ENDOV: variants seen among roughly 807,000 people sequenced by gnomAD.
The protein encoded by ENDOV is hEndoV.
ENDOV carries 37 observed loss-of-function variants against 39.4 expected under a neutral mutation model. That is an observed-to-expected ratio of 0.94 (90% CI 0.72 to 1.23). The LOEUF (loss-of-function observed/expected upper bound fraction) is 1.23. Among genes scored for constraint, ENDOV ranks in the 50% most tolerant of loss-of-function variants. The pLI is 0.00. For synonymous variants in ENDOV, 186 were observed against 163.4 expected (o/e 1.14, Z -1.05); for missense variants, 441 against 375.7 (o/e 1.17, Z -1.44).
At chr17:80,419,027 G>A (rs569815298) in intron 2 of ENDOV, among the ~76,000 whole-genome samples, 1 of 151,968 alleles carries the variant, frequency 6.6e-6, no homozygotes, top group Non-Finnish European at 1.5e-5. Flanking sequence ...AAAAAAATCA[G>A]CCGGGCATGG....
intron 9 of ENDOV, among the ~76,000 whole-genome samples, chr17:80,430,711 G>T (rs941101520): frequency 2.0e-5 from 3 of 152,226 alleles, no homozygotes; most frequent in African/African-American, 7.2e-5. Flanking sequence ...GTGCCTGAGG[G>T]GTTGGGTGCC....
chr17:80,423,469 G>A (rs1427685383), intron 4 of ENDOV, 51 bp from the exon 5 acceptor site: 6 of 1,493,844 alleles, frequency 4.0e-6, no homozygotes, highest in Non-Finnish European at 5.4e-6. Flanking sequence ...GAATCCCTGT[G>A]CCAGGCCCCA....
In ENDOV at chr17:80,436,513, G is replaced by T; in HGVS notation, c.*370G>T. 2.1e-6 allele frequency: 1 copy of T among 484,334 alleles called. No individual in the cohort carries two copies. The highest frequency in any genetic ancestry group is 3.3e-6 in the Non-Finnish European group (1 of 302,884). The allele number at this position is 484,334 out of a possible 1,614,324, so 30.0% of individuals were successfully genotyped here. A position where few individuals can be genotyped will look rare whatever the true frequency, so the allele number is the denominator to read the frequency against. Reference sequence around the variant, plus strand: ...ACTGGATTTTGTCAAATGCTTTTCTGGCCTCTATTGAAAAGATCCTGTGTT... The same window carrying T: ...ACTGGATTTTGTCAAATGCTTTTCTTGCCTCTATTGAAAAGATCCTGTGTT... On this transcript the variant is annotated 3_prime_UTR_variant, in exon 10 of 10. Coordinates refer to ENST00000518137, the MANE Select transcript of ENDOV (RefSeq NM_173627.5).
chr17:80,415,434 G>A, intron 1 of ENDOV, 184 bp downstream of exon 1: 2 of 977,116 alleles, frequency 2.0e-6, no homozygotes, highest in Non-Finnish European at 1.5e-6. Flanking sequence ...CGGGGTGGGC[G>A]CGGTTCTCGC....
At chr17:80,436,037 G>C (rs569806485) in intron 9 of ENDOV, 96 bp from the exon 10 acceptor site, 2 of 1,388,734 alleles carry the variant, frequency 1.4e-6, no homozygotes, top group Non-Finnish European at 1.0e-6. Context: ...TTACAGGCGC[G>C]AGCCACTGCA....
At chr17:80,430,492 C>G in intron 9 of ENDOV, 1 of 793,230 alleles carries the variant, frequency 1.3e-6, no homozygotes, top group African/African-American at 1.8e-5. Context: ...CACCTCTGCC[C>G]TGACACGGGA....
intron 2 of ENDOV, chr17:80,419,391 C>A (rs925873645): frequency 1.2e-5 from 7 of 565,130 alleles, no homozygotes; most frequent in Non-Finnish European, 2.2e-5. Flanking sequence ...GTGCCAGATG[C>A]TGAGCCATGG....
chr17:80,420,664 C>T (rs1306433284), intron 2 of ENDOV: 2 of 152,192 alleles, frequency 1.3e-5, no homozygotes, highest in African/African-American at 4.8e-5. Context: ...AGAATGTGGA[C>T]ATAGTGGGAA....
chr17:80,425,675 C>T (rs954639734), intron 7 of ENDOV, 55 bp downstream of exon 7: 14 of 1,536,404 alleles, frequency 9.1e-6, no homozygotes, highest in African/African-American at 1.4e-5. Flanking sequence ...TTCCTGCCAC[C>T]TGCTGTTCAG....
At chr17:80,422,876 A>G (rs1229328923) in intron 4 of ENDOV, among the ~76,000 whole-genome samples, 1 of 151,914 alleles carries the variant, frequency 6.6e-6, no homozygotes, top group African/African-American at 2.4e-5. Flanking sequence ...ATTTTTTTGT[A>G]TTTTTAGGAG....
chr17:80,435,058 A>G (rs533310935), intron 9 of ENDOV, among the ~76,000 whole-genome samples: 2 of 152,332 alleles, frequency 1.3e-5, no homozygotes, highest in South Asian at 2.1e-4. Flanking sequence ...CAAAGCATCT[A>G]TTCAAATCCT....
At chr17:80,425,166 A>G in intron 6 of ENDOV, 66 bp downstream of exon 6, 1 of 1,387,700 alleles carries the variant, frequency 7.2e-7, no homozygotes, top group Non-Finnish European at 1.0e-6. Flanking sequence ...AGGCAGACAC[A>G]GGTGCATGCA....
chr17:80,425,139 G>C (rs1410853377), intron 6 of ENDOV, 39 bp downstream of exon 6: 1 of 1,558,594 alleles, frequency 6.4e-7, no homozygotes, highest in African/African-American at 1.4e-5. Context: ...AAAGCCCCGG[G>C]GTAGGGGATC....
intron 9 of ENDOV, among the ~76,000 whole-genome samples, chr17:80,432,379 C>T (rs1599471388): frequency 6.6e-6 from 1 of 152,086 alleles, no homozygotes; most frequent in African/African-American, 2.4e-5. Context: ...CCTCCCAGCA[C>T]CCCTGTGGAG....
intron 9 of ENDOV, among the ~76,000 whole-genome samples, chr17:80,432,147 G>C (rs2083368341): frequency 6.6e-6 from 1 of 152,176 alleles, no homozygotes; most frequent in African/African-American, 2.4e-5. Context: ...TGTCCACCTG[G>C]AACCTGTTTC....
At chr17:80,432,045 G>A (rs2083361947) in intron 9 of ENDOV, among the ~76,000 whole-genome samples, 1 of 152,086 alleles carries the variant, frequency 6.6e-6, no homozygotes, top group African/African-American at 2.4e-5. Context: ...CATGTGGGGT[G>A]CAGACCGGTC....
At chr17:80,419,862 G>A in intron 2 of ENDOV, 1 of 591,152 alleles carries the variant, frequency 1.7e-6, no homozygotes. Flanking sequence ...CGGTGTAGCT[G>A]GAAACACTGG....
intron 5 of ENDOV, 154 bp downstream of exon 5, chr17:80,423,786 C>T: frequency 1.4e-6 from 1 of 718,058 alleles, no homozygotes; most frequent in South Asian, 1.9e-5. Context: ...ACCTGCTTTC[C>T]TCTGGGTGCT....
At chr17:80,435,986 C>A in intron 9 of ENDOV, 147 bp from the exon 10 acceptor site, 6 of 860,346 alleles carry the variant, frequency 7.0e-6, no homozygotes, top group South Asian at 1.5e-5. Flanking sequence ...AACTCCTGGG[C>A]TCAAGCTTTC....
Sources: gnomAD v4.1 joint callset for allele counts (sites outside exome capture counted in the v4.1 genomes callset) on GRCh38, gnomAD v4.1.1 for gene constraint, MANE v1.5 for transcripts, NCBI Gene and HGNC (gene_info 2026-07-23, HGNC 2026-07-21) for gene names.